PIEZO2: variants seen among roughly 807,000 people sequenced by gnomAD.
PIEZO2 encodes the protein piezo type mechanosensitive ion channel component 2.
Under a neutral mutation model 337.3 loss-of-function variants are expected in PIEZO2, and 172 were observed. That is an observed-to-expected ratio of 0.51 (90% confidence interval 0.45 to 0.58). PIEZO2 has a LOEUF of 0.58. Ranked by LOEUF, PIEZO2 falls within the 20% of genes least tolerant of loss-of-function variation. PIEZO2 has a pLI of 0.00. For synonymous variants in PIEZO2, 1,251 were observed against 1,228.5 expected (o/e 1.02, Z -0.38); for missense variants, 3,028 against 3,391.3 (o/e 0.89, Z 2.66).
intron 3 of PIEZO2, among the ~76,000 whole-genome samples, chr18:10,932,864 C>A (rs180736285): frequency 9.2e-5 from 14 of 151,882 alleles, no homozygotes; most frequent in Middle Eastern, 3.4e-3. Flanking sequence ...ATCGAGGCTG[C>A]AGTGAGCTAA....
chr18:10,845,856 T>C (rs1356242957), intron 7 of PIEZO2, among the ~76,000 whole-genome samples: 1 of 152,240 alleles, frequency 6.6e-6, no homozygotes. Flanking sequence ...AATAAATACA[T>C]TTAAAGCCCA....
intron 2 of PIEZO2, among the ~76,000 whole-genome samples, chr18:11,012,907 G>A (rs1194381938): frequency 1.3e-5 from 2 of 152,142 alleles, no homozygotes; most frequent in Non-Finnish European, 2.9e-5. Context: ...AGCCAGGCAT[G>A]ATGGTGCACA....
chr18:11,124,408 A>C lies in PIEZO2; in HGVS notation c.64+24117T>G, dbSNP rs781727230. ...ATCATTTATTGTGTCAAGCCATAGA[A>C]ATACAACATCACTGTGCAATAGTAA... On this transcript the variant is annotated intron_variant, in intron 1 of 55. Transcript: ENST00000674853. Among the ~76,000 whole-genome samples, 125 of 152,208 alleles carry C rather than the reference A, an allele frequency of 8.2e-4. 2 individuals carry two copies. The highest frequency in any genetic ancestry group is 3.8e-4 in the Non-Finnish European group (26 of 68,032).
chr18:10,752,373 G>C (rs1322848640), intron 28 of PIEZO2, among the ~76,000 whole-genome samples: 1 of 152,176 alleles, frequency 6.6e-6, no homozygotes, highest in Non-Finnish European at 1.5e-5. Context: ...ATTTTAATTA[G>C]TAAAAGACAT....
At chr18:11,144,231 C>G (rs1012127494) in intron 1 of PIEZO2, among the ~76,000 whole-genome samples, 14 of 152,220 alleles carry the variant, frequency 9.2e-5, no homozygotes, top group Non-Finnish European at 1.9e-4. Context: ...TCATGCCCGT[C>G]TGTGTGGATG....
At chr18:10,751,461 G>C (rs2037641754) in intron 28 of PIEZO2, among the ~76,000 whole-genome samples, 1 of 151,932 alleles carries the variant, frequency 6.6e-6, no homozygotes, top group Non-Finnish European at 1.5e-5. Context: ...ATGTCAGAGG[G>C]GTAAAAGTGA....
In PIEZO2 at chr18:10,715,710, A is replaced by G. The variant is rs1048651411; in HGVS notation, c.5196T>C (p.His1732=). The G allele has an allele frequency of 2.0e-6, 3 of 1,536,744 alleles. No homozygotes were observed. Among genetic ancestry groups the G allele is most frequent in the African/African-American group, 2.7e-5 (2 of 73,034 alleles). ...TTCTCAGAACTGTAGATATATCAAT[A>G]TGCTCCCTTGAAATGGAGTTAAGCC... is the stretch of plus-strand genomic sequence containing the variant. ...TTWLNSISRE[H]IDISTVLRIE... Residue 1732 remains histidine, a synonymous_variant, in exon 38 of 56, where the codon CAT becomes CAC. Coordinates refer to ENST00000674853, the MANE Select transcript of PIEZO2 (RefSeq NM_001378183.1).
chr18:11,064,537 T>C (rs1004597133), intron 2 of PIEZO2, among the ~76,000 whole-genome samples: 2 of 152,336 alleles, frequency 1.3e-5, no homozygotes, highest in Non-Finnish European at 2.9e-5. Flanking sequence ...TGATTTTATG[T>C]TTCACCTATG....
chr18:10,971,687 G>T (rs1297554217), intron 3 of PIEZO2, among the ~76,000 whole-genome samples: 1 of 152,156 alleles, frequency 6.6e-6, no homozygotes, highest in Non-Finnish European at 1.5e-5. Context: ...ACCAGAGTTA[G>T]TATATTAGAT....
At chr18:10,755,827 G>A (rs548835961) in intron 27 of PIEZO2, among the ~76,000 whole-genome samples, 7 of 143,002 alleles carry the variant, frequency 4.9e-5, no homozygotes, top group African/African-American at 1.7e-4. Flanking sequence ...TGAGGACCAA[G>A]GGATGAGGAG....
intron 2 of PIEZO2, among the ~76,000 whole-genome samples, chr18:11,052,996 G>A (rs1260471477): frequency 6.6e-6 from 1 of 152,206 alleles, no homozygotes; most frequent in African/African-American, 2.4e-5. Context: ...AAGGGCATGA[G>A]TCAGAACAAC....
chr18:10,994,914 T>C (rs1325526434), intron 2 of PIEZO2, among the ~76,000 whole-genome samples: 5 of 151,440 alleles, frequency 3.3e-5, no homozygotes, highest in Non-Finnish European at 7.4e-5. Flanking sequence ...AAACCCTGTC[T>C]CTACAAAAAT....
intron 3 of PIEZO2, among the ~76,000 whole-genome samples, chr18:10,914,459 G>T (rs1003596007): frequency 6.6e-6 from 1 of 151,940 alleles, no homozygotes; most frequent in African/African-American, 2.4e-5. Flanking sequence ...TAACCTTGCA[G>T]CCCCCTGCAT....
rs28463207 is a variant in PIEZO2, at chr18:10,726,263, G to A, written c.5029+5144C>T. On this transcript the variant is annotated intron_variant, in intron 36 of 55. Transcript: ENST00000674853. This position sits in a 1 kb window ranked among gnomAD's most constrained non-coding sequence, Gnocchi z 5.9. ...AGAGCTTGTGTGCGAGCCTGTGTTC[G>A]GGAGCATGAGAATGGAAGCGTCGCG... is the stretch of plus-strand genomic sequence containing the variant. 4,030 of 803,724 alleles carry A rather than the reference G, an allele frequency of 5.0e-3. 117 individuals are homozygous for A. The African/African-American group carries it at 0.06, about 12-fold the overall frequency. 49.8% of individuals were successfully genotyped at this position (803,724 alleles called of 1,614,324 possible). A position where few individuals can be genotyped will look rare whatever the true frequency, so the allele number is the denominator to read the frequency against.
rs1024863235 is a variant in PIEZO2 at position 11,002,745 on chromosome 18, C to T, written c.161-23085G>A. Among the ~76,000 whole-genome samples the T allele has an allele frequency of 3.3e-5, 5 of 152,210 alleles. No homozygotes were observed. The highest frequency in any genetic ancestry group is 7.3e-5 in the Non-Finnish European group (5 of 68,048). On this transcript the variant is annotated intron_variant, in intron 2 of 55. Transcript: ENST00000674853. This position sits in a 1 kb window ranked among gnomAD's most constrained non-coding sequence, Gnocchi z 4.3. ...TAGTTCACACAGAACCCTGTGTAAG[C>T]ACACAATTCCCTGCTAAAGTCTGAA...
intron 5 of PIEZO2, 67 bp from the exon 6 acceptor site, chr18:10,857,278 A>G (rs569138097): frequency 7.4e-7 from 1 of 1,350,870 alleles, no homozygotes; most frequent in South Asian, 1.3e-5. Flanking sequence ...CAGATTATAG[A>G]GCTTCTAATT....
chr18:11,132,355 C>T lies in PIEZO2; in HGVS notation c.64+16170G>A, dbSNP rs965784116. Among the ~76,000 whole-genome samples the T allele has an allele frequency of 6.6e-6, 1 of 152,140 alleles. No individual in the cohort carries two copies. Among genetic ancestry groups the T allele is most frequent in the Admixed American group, 6.5e-5 (1 of 15,274 alleles). On this transcript the variant is annotated intron_variant, in intron 1 of 55. Transcript: ENST00000674853. This position sits in a 1 kb window ranked among gnomAD's most constrained non-coding sequence, Gnocchi z 4.7. Reference sequence around the variant, plus strand: ...ATCCAATGTGCTCTTACTATATTCCCCATCATTCTGAAGCAGGTGGATTGA... The same window carrying T: ...ATCCAATGTGCTCTTACTATATTCCTCATCATTCTGAAGCAGGTGGATTGA...
chr18:10,961,999 A>T (rs553260742), intron 3 of PIEZO2, among the ~76,000 whole-genome samples: 19 of 152,268 alleles, frequency 1.2e-4, no homozygotes, highest in African/African-American at 4.6e-4. Context: ...AATTCAGGTG[A>T]ACTGCTGCAC....
At position 10,813,901 on chromosome 18, in the gene PIEZO2, C is replaced by G. The variant is rs761340399; in HGVS notation, c.918-6627G>C. On this transcript the variant is annotated intron_variant, in intron 7 of 55. Coordinates refer to ENST00000674853, the MANE Select transcript of PIEZO2 (RefSeq NM_001378183.1). This position sits in a 1 kb window ranked among gnomAD's most constrained non-coding sequence, Gnocchi z 4.2. ...CACAGTCTTCCAGTTTCCCTATAGCCTTGCCAAGTCTTGTTATTTTATGCT... is the reference window on the plus strand; with the variant it reads ...CACAGTCTTCCAGTTTCCCTATAGCGTTGCCAAGTCTTGTTATTTTATGCT... Among the ~76,000 whole-genome samples the G allele has an allele frequency of 1.3e-5, 2 of 152,064 alleles. No homozygotes were observed. The highest frequency in any genetic ancestry group is 2.9e-5 in the Non-Finnish European group (2 of 68,024).
Sources: gnomAD v4.1 joint callset for allele counts (sites outside exome capture counted in the v4.1 genomes callset) on GRCh38, gnomAD v4.1.1 for gene constraint, Gnocchi (gnomAD v3.1) non-coding constraint, MANE v1.5 for transcripts, NCBI Gene and HGNC (gene_info 2026-07-23, HGNC 2026-07-21) for gene names.